Variants in PCDH9 observed in about 807,000 individuals in gnomAD.
PCDH9 encodes protocadherin 9, also known as protocadherin-9.
Under a neutral mutation model 70.6 loss-of-function variants are expected in PCDH9, and 24 were observed. The ratio of observed to expected loss-of-function variants is 0.34; its 90% CI spans 0.25 to 0.48. PCDH9 has a LOEUF of 0.48. Among genes scored for constraint, PCDH9 ranks in the 20% least tolerant of loss-of-function variants. The pLI, the probability that PCDH9 is intolerant of heterozygous loss-of-function variation, is 0.99. For synonymous variants in PCDH9, 562 were observed against 558.5 expected (o/e 1.01, Z -0.09); for missense variants, 1,281 against 1,503.6 (o/e 0.85, Z 2.45).
chr13:67,118,818 A>G (rs1218535189), intron 2 of PCDH9, among the ~76,000 whole-genome samples: 2 of 152,178 alleles, frequency 1.3e-5, no homozygotes, highest in African/African-American at 4.8e-5. Context: ...TATCCTAAAT[A>G]CCTTTTCCTA....
intron 4 of PCDH9, among the ~76,000 whole-genome samples, chr13:66,383,971 A>C (rs1361312226): frequency 8.5e-5 from 13 of 152,172 alleles, no homozygotes; most frequent in Admixed American, 5.9e-4. Flanking sequence ...ATTTCACATT[A>C]AAAATCTAAA....
At chr13:66,954,946 G>A (rs142755265) in intron 2 of PCDH9, among the ~76,000 whole-genome samples, 1 of 152,032 alleles carries the variant, frequency 6.6e-6, no homozygotes, top group Non-Finnish European at 1.5e-5. Flanking sequence ...TGTATTTTTA[G>A]TAGAGACAGG....
chr13:66,371,267 T>C (rs939157693), intron 4 of PCDH9, among the ~76,000 whole-genome samples: 1 of 152,078 alleles, frequency 6.6e-6, no homozygotes, highest in African/African-American at 2.4e-5. Flanking sequence ...TCAATCAACA[T>C]GGGAAAAGTG....
At chr13:66,458,565 G>C (rs1426314087) in intron 4 of PCDH9, among the ~76,000 whole-genome samples, 1 of 151,898 alleles carries the variant, frequency 6.6e-6, no homozygotes, top group Non-Finnish European at 1.5e-5. Flanking sequence ...CCTTTCCAAA[G>C]GTAGCGAGTG....
chr13:66,680,563 A>G (rs7992872), intron 3 of PCDH9, among the ~76,000 whole-genome samples: 2,394 of 151,938 alleles, frequency 0.016, 73 homozygotes, highest in African/African-American at 0.055. Context: ...TTTTTTGACA[A>G]GCTAACAATT....
intron 2 of PCDH9, among the ~76,000 whole-genome samples, chr13:67,188,355 C>T (rs117846052): frequency 0.013 from 2,006 of 152,146 alleles, 15 homozygotes; most frequent in Non-Finnish European, 0.018. Flanking sequence ...AAATGTGATG[C>T]AAAGTAAAGA....
At chr13:67,095,336 T>A (rs1237448950) in intron 2 of PCDH9, among the ~76,000 whole-genome samples, 1 of 152,160 alleles carries the variant, frequency 6.6e-6, no homozygotes, top group African/African-American at 2.4e-5. Context: ...GTTATTACAT[T>A]TAAAGTCATA....
At chr13:67,019,430 C>A (rs950454696) in intron 2 of PCDH9, among the ~76,000 whole-genome samples, 20 of 151,970 alleles carry the variant, frequency 1.3e-4, no homozygotes, top group Admixed American at 3.3e-4. Flanking sequence ...CTCCTGACCT[C>A]ATGATCCTCC....
intron 4 of PCDH9, among the ~76,000 whole-genome samples, chr13:66,620,644 C>T (rs1183443241): frequency 6.6e-6 from 1 of 152,080 alleles, no homozygotes; most frequent in Non-Finnish European, 1.5e-5. Context: ...TATTCTAACA[C>T]ACTAATTTTA....
At chr13:66,432,905 C>T (rs1388201499) in intron 4 of PCDH9, among the ~76,000 whole-genome samples, 2 of 151,858 alleles carry the variant, frequency 1.3e-5, no homozygotes, top group Non-Finnish European at 2.9e-5. Context: ...TCAATTAATC[C>T]CAGGGCATAG....
At chr13:66,495,816 T>C (rs1959107412) in intron 4 of PCDH9, among the ~76,000 whole-genome samples, 1 of 152,166 alleles carries the variant, frequency 6.6e-6, no homozygotes, top group Non-Finnish European at 1.5e-5. Flanking sequence ...CTAGTAATCA[T>C]GGCCACAGAC....
chr13:66,440,594 G>C (rs1343992500), intron 4 of PCDH9, among the ~76,000 whole-genome samples: 2 of 152,012 alleles, frequency 1.3e-5, no homozygotes, highest in African/African-American at 4.8e-5. Flanking sequence ...ATTTGTAGAT[G>C]ATGAGAAAAT....
intron 4 of PCDH9, among the ~76,000 whole-genome samples, chr13:66,522,266 G>T (rs1960029164): frequency 6.6e-6 from 1 of 151,738 alleles, no homozygotes; most frequent in Non-Finnish European, 1.5e-5. Flanking sequence ...AATAATACAT[G>T]ACTGGGAACC....
intron 3 of PCDH9, among the ~76,000 whole-genome samples, chr13:66,778,786 C>T (rs531981677): frequency 2.0e-5 from 3 of 152,260 alleles, no homozygotes; most frequent in African/African-American, 7.2e-5. Flanking sequence ...ATTGGCCAGG[C>T]TGGATTCAAA....
chr13:66,385,721 G>C (rs1956916591), intron 4 of PCDH9, among the ~76,000 whole-genome samples: 1 of 152,080 alleles, frequency 6.6e-6, no homozygotes, highest in African/African-American at 2.4e-5. Context: ...GATTCTAACA[G>C]TAAGTTTACA....
At chr13:66,625,965 A>G (rs1163257523) in intron 4 of PCDH9, among the ~76,000 whole-genome samples, 1 of 152,126 alleles carries the variant, frequency 6.6e-6, no homozygotes, top group Non-Finnish European at 1.5e-5. Context: ...CACCTGGCCT[A>G]TATGTTGGCT....
chr13:66,391,794 A>G (rs1310619743), intron 4 of PCDH9, among the ~76,000 whole-genome samples: 3 of 151,784 alleles, frequency 2.0e-5, no homozygotes, highest in African/African-American at 7.3e-5. Flanking sequence ...GCCTTGATAC[A>G]GAATCAGGTG....
At chr13:66,420,531 C>T (rs1398935414) in intron 4 of PCDH9, among the ~76,000 whole-genome samples, 1 of 152,138 alleles carries the variant, frequency 6.6e-6, no homozygotes, top group Non-Finnish European at 1.5e-5. Flanking sequence ...CTGGTGATAC[C>T]CAGGCAAACA....
At chr13:66,576,817 G>A (rs1045632394) in intron 4 of PCDH9, among the ~76,000 whole-genome samples, 8 of 152,116 alleles carry the variant, frequency 5.3e-5, no homozygotes, top group Admixed American at 1.3e-4. Context: ...TGGAGATTGA[G>A]AAATAGCTTC....
Sources: gnomAD v4.1 joint callset for allele counts (sites outside exome capture counted in the v4.1 genomes callset) on GRCh38, gnomAD v4.1.1 for gene constraint, MANE v1.5 for transcripts, NCBI Gene and HGNC (gene_info 2026-07-23, HGNC 2026-07-21) for gene names.